The following CYP2J2 variants were observed in gnomAD, a reference collection of about 807,000 sequenced individuals.
The protein encoded by CYP2J2 is cytochrome P450 family 2 subfamily J member 2.
A neutral mutation model predicts 48.8 loss-of-function variants in CYP2J2; 41 were observed. That is an observed-to-expected ratio of 0.84 (90% CI 0.66 to 1.09). CYP2J2 has a LOEUF of 1.09. Ranked by LOEUF, CYP2J2 falls within the 50% of genes least tolerant of loss-of-function variation. The pLI is 0.00. For synonymous variants in CYP2J2, 221 were observed against 227.1 expected, an observed-to-expected ratio of 0.97 and a Z score of 0.24; for missense variants, 644 against 617.3, an observed-to-expected ratio of 1.04 and a Z score of -0.46.
chr1:59,930,793 T>G (rs1202531815), upstream of CYP2J2, among the ~76,000 whole-genome samples: 1 of 152,038 alleles, frequency 6.6e-6, no homozygotes, highest in African/African-American at 2.4e-5. Flanking sequence ...AATGAGAGAA[T>G]TTATTGCTAG....
Position 59,893,466 on chromosome 1 carries a change from C to A in CYP2J2, c.*185G>T. Reference sequence around the variant, plus strand: ...AATTATTTAGCATATAAATGATTTTCCCAAGGCTAATTCGGACGAGACAGT... The same window carrying A: ...AATTATTTAGCATATAAATGATTTTACCAAGGCTAATTCGGACGAGACAGT... On this transcript the variant is annotated 3_prime_UTR_variant, in exon 9 of 9. Coordinates refer to ENST00000371204, the MANE Select transcript of CYP2J2 (RefSeq NM_000775.4). The A allele has an allele frequency of 2.0e-6, 1 of 489,360 alleles. No individual in the cohort carries two copies. Among genetic ancestry groups the A allele is most frequent in the Admixed American group, 3.1e-5 (1 of 32,088 alleles). The allele number at this position is 489,360 out of a possible 1,614,324, so 30.3% of individuals were successfully genotyped here.
the CYP2J2 span, among the ~76,000 whole-genome samples, chr1:59,939,825 A>G: frequency 6.6e-6 from 1 of 152,064 alleles, no homozygotes; most frequent in African/African-American, 2.4e-5. Flanking sequence ...TCCTATTTTC[A>G]AAGGCAGAAG....
chr1:59,911,636 G>A lies in CYP2J2; in HGVS notation c.656C>T (p.Thr219Ile), dbSNP rs745795264. ...QQLLKLLDEVTYLEASKTCQL... is the reference protein window; with the variant it reads ...QQLLKLLDEVIYLEASKTCQL... ...GCATGTCTTTGAAGCCTCCAAGTAT[G>A]TGACTTCATCTAGTAACTTCAGCAG... The change falls in exon 4 of 9, where the codon ACA becomes ATA. Residue 219 changes from threonine (T) to isoleucine (I), a missense_variant. Coordinates refer to ENST00000371204, the MANE Select transcript of CYP2J2 (RefSeq NM_000775.4). The A allele has an allele frequency of 7.4e-6, 12 of 1,612,708 alleles. No homozygotes were observed. The South Asian group carries it at 9.9e-5, about 13-fold the overall frequency.
chr1:59,968,958 T>C, the CYP2J2 span, among the ~76,000 whole-genome samples: 2 of 152,190 alleles, frequency 1.3e-5, no homozygotes, highest in East Asian at 3.9e-4. Flanking sequence ...GTGGGTTATG[T>C]GGTCTCGCTG....
In CYP2J2 at chr1:59,912,277, C is replaced by T. The variant is rs528989478; in HGVS notation, c.408G>A (p.Glu136=). The part of the protein sequence containing the change: ...LIMSSGQAWK[E]QRRFTLTALR... Reference sequence around the variant, plus strand: ...GTGCTGTCAGAGTGAACCTTCTTTGCTCCTTCCATGCCTGGCCACTTGACA... The same window carrying T: ...GTGCTGTCAGAGTGAACCTTCTTTGTTCCTTCCATGCCTGGCCACTTGACA... The change falls in exon 3 of 9, where the codon GAG becomes GAA. Residue 136 remains glutamate, a synonymous_variant. Transcript: ENST00000371204. The T allele has an allele frequency of 5.6e-6, 9 of 1,613,874 alleles. No individual in the cohort carries two copies. The African/African-American group carries it at 1.2e-4, about 22-fold the overall frequency.
At chr1:59,959,507 C>T in the CYP2J2 span, among the ~76,000 whole-genome samples, 12 of 151,728 alleles carry the variant, frequency 7.9e-5, no homozygotes, top group Admixed American at 5.9e-4. Context: ...ATGAAGCCAG[C>T]CCAAATGCCC....
At chr1:59,906,455 T>C (rs1644365385) in intron 6 of CYP2J2, among the ~76,000 whole-genome samples, 1 of 152,130 alleles carries the variant, frequency 6.6e-6, no homozygotes, top group African/African-American at 2.4e-5. Context: ...TTTGGATTTT[T>C]TTTTTTTTAC....
chr1:59,949,693 A>T, the CYP2J2 span, among the ~76,000 whole-genome samples: 2 of 114,716 alleles, frequency 1.7e-5, no homozygotes, highest in Non-Finnish European at 3.4e-5. Flanking sequence ...TTGATCTGTG[A>T]CTGGAAGCTT....
chr1:59,933,719 TA>T, the CYP2J2 span, among the ~76,000 whole-genome samples: 3 of 151,968 alleles, frequency 2.0e-5, no homozygotes, highest in South Asian at 2.1e-4. Flanking sequence ...AAGACATCGC[TA>T]AAAAAAATTA....
At chr1:59,946,302 A>C in the CYP2J2 span, among the ~76,000 whole-genome samples, 49 of 152,296 alleles carry the variant, frequency 3.2e-4, no homozygotes, top group Non-Finnish European at 5.6e-4. Context: ...CTCTGCCTGC[A>C]AAGCTGTTTC....
intron 8 of CYP2J2, 117 bp from the exon 9 acceptor site, chr1:59,893,946 C>T: frequency 2.1e-6 from 2 of 966,834 alleles, no homozygotes; most frequent in South Asian, 3.9e-5. Context: ...CCTGTAGGCC[C>T]CAGGGTGTTA....
chr1:59,959,816 T>A, the CYP2J2 span, among the ~76,000 whole-genome samples: 1 of 152,268 alleles, frequency 6.6e-6, no homozygotes, highest in East Asian at 1.9e-4. Flanking sequence ...AGACATTATG[T>A]GTTCTCACTT....
At chr1:59,935,026 A>ATATATATATATATATATACG in the CYP2J2 span, among the ~76,000 whole-genome samples, 7 of 92,580 alleles carry the variant, frequency 7.6e-5, no homozygotes, top group East Asian at 6.0e-4. Flanking sequence ...ATATATATAT[A>ATATATATATATATATATACG]TATATATATA....
chr1:59,954,205 G>A, the CYP2J2 span, among the ~76,000 whole-genome samples: 10 of 152,252 alleles, frequency 6.6e-5, no homozygotes, highest in Middle Eastern at 3.4e-3. Flanking sequence ...TGCAGTATAC[G>A]TAGAATGAAT....
At chr1:59,966,749 G>A in the CYP2J2 span, among the ~76,000 whole-genome samples, 30 of 152,116 alleles carry the variant, frequency 2.0e-4, no homozygotes, top group East Asian at 1.9e-4. Flanking sequence ...GAAGATGAAC[G>A]TTATCTGTGA....
At chr1:59,901,312 T>C (rs932465497) in intron 7 of CYP2J2, among the ~76,000 whole-genome samples, 1 of 152,162 alleles carries the variant, frequency 6.6e-6, no homozygotes, top group African/African-American at 2.4e-5. Flanking sequence ...ATTTCCCTGC[T>C]GGGAATTTTA....
chr1:59,918,531 C>T (rs1306517104), intron 1 of CYP2J2, among the ~76,000 whole-genome samples: 4 of 152,016 alleles, frequency 2.6e-5, no homozygotes, highest in South Asian at 2.1e-4. Context: ...ATGAGGATGG[C>T]GATGTCTAAC....
chr1:59,906,673 A>AGAAT (rs1410265270), intron 6 of CYP2J2, among the ~76,000 whole-genome samples: 3 of 152,244 alleles, frequency 2.0e-5, no homozygotes, highest in Non-Finnish European at 4.4e-5. Context: ...GGCCACCACC[A>AGAAT]TTCTACTTTG....
chr1:59,916,990 G>A (rs748763515), intron 1 of CYP2J2, among the ~76,000 whole-genome samples: 1 of 152,090 alleles, frequency 6.6e-6, no homozygotes, highest in Admixed American at 6.5e-5. Flanking sequence ...TAGATAATAC[G>A]AGGTGCATTT....
Sources: gnomAD v4.1 joint callset for allele counts (sites outside exome capture counted in the v4.1 genomes callset) on GRCh38, gnomAD v4.1.1 for gene constraint, MANE v1.5 for transcripts, NCBI Gene and HGNC (gene_info 2026-07-23, HGNC 2026-07-21) for gene names.